The following PTPRD variants were observed in gnomAD, a reference collection of about 807,000 sequenced individuals.
The protein encoded by PTPRD is protein tyrosine phosphatase receptor type D, also known as receptor-type tyrosine-protein phosphatase delta.
Under a neutral mutation model 214.5 loss-of-function variants are expected in PTPRD, and 34 were observed. The observed-to-expected ratio is 0.16, with a 90% confidence interval of 0.12 to 0.21. The LOEUF is 0.21. Ranked by LOEUF, PTPRD falls within the 10% of genes least tolerant of loss-of-function variation. PTPRD has a pLI of 1.00. For synonymous variants in PTPRD, 1,128 were observed against 845.7 expected (o/e 1.33, Z -5.79); for missense variants, 2,545 against 2,398.7 (o/e 1.06, Z -1.27).
intron 11 of PTPRD, among the ~76,000 whole-genome samples, chr9:8,824,258 G>A (rs765718749): frequency 6.6e-6 from 1 of 152,186 alleles, no homozygotes; most frequent in Non-Finnish European, 1.5e-5. Context: ...AGATGGAGTT[G>A]CTGTGGTTAG....
At position 9,181,436 on chromosome 9, in the gene PTPRD, T is replaced by C. The variant is rs2099928143; in HGVS notation, c.-143+1868A>G. On this transcript the variant is annotated intron_variant, in intron 10 of 45. Coordinates refer to ENST00000381196, the MANE Select transcript of PTPRD (RefSeq NM_002839.4). ...TGCTGCCTGTTTCCATTTTCAAACCTGCCTGTGTGTGAGCAGACAGGTTCC... is the reference window on the plus strand; with the variant it reads ...TGCTGCCTGTTTCCATTTTCAAACCCGCCTGTGTGTGAGCAGACAGGTTCC... Among the ~76,000 whole-genome samples the C allele has an allele frequency of 3.3e-5, 5 of 152,002 alleles. No individual in the cohort carries two copies. The South Asian group carries it at 1.0e-3, about 32-fold the overall frequency.
chr9:10,533,922 T>C (rs2057112795), intron 2 of PTPRD, among the ~76,000 whole-genome samples: 1 of 151,692 alleles, frequency 6.6e-6, no homozygotes, highest in South Asian at 2.1e-4. Flanking sequence ...TTTTTTTTAA[T>C]TAAAATTGCT....
In PTPRD at chr9:8,416,327, C is replaced by G. The variant is rs572207764; in HGVS notation, c.4087-11667G>C. 5.9e-5 allele frequency among the ~76,000 whole-genome samples: 9 copies of G among 152,158 alleles called. No homozygotes were observed. In the South Asian group the frequency reaches 1.9e-3, roughly 32 times the overall value. On this transcript the variant is annotated intron_variant, in intron 35 of 45. Transcript: ENST00000381196. ...CATGAATACACACACATATAAAAACCTAGAATGTTATACACCAATGCTATC... is the reference window on the plus strand; with the variant it reads ...CATGAATACACACACATATAAAAACGTAGAATGTTATACACCAATGCTATC...
intron 35 of PTPRD, among the ~76,000 whole-genome samples, chr9:8,412,348 A>T (rs960497560): frequency 6.6e-6 from 1 of 152,246 alleles, no homozygotes; most frequent in Non-Finnish European, 1.5e-5. Flanking sequence ...ATTATCTAGC[A>T]AATACAATCA....
intron 11 of PTPRD, among the ~76,000 whole-genome samples, chr9:8,849,448 G>T (rs572359397): frequency 6.6e-6 from 1 of 152,030 alleles, no homozygotes; most frequent in Non-Finnish European, 1.5e-5. Flanking sequence ...GAATGGTCTC[G>T]ATCTCCTGAC....
At chr9:10,250,339 C>A (rs2092657063) in intron 3 of PTPRD, among the ~76,000 whole-genome samples, 1 of 152,024 alleles carries the variant, frequency 6.6e-6, no homozygotes, top group Admixed American at 6.6e-5. Context: ...AAATTAACCA[C>A]AATAATTTTA....
chr9:10,073,579 CA>C (rs1173564903), intron 3 of PTPRD, among the ~76,000 whole-genome samples: 5 of 151,964 alleles, frequency 3.3e-5, no homozygotes, highest in African/African-American at 1.2e-4. Context: ...CTAAAAATCC[CA>C]AAGCTGAAAG....
intron 7 of PTPRD, among the ~76,000 whole-genome samples, chr9:9,728,224 C>A (rs763692939): frequency 2.0e-5 from 3 of 152,148 alleles, no homozygotes; most frequent in Non-Finnish European, 4.4e-5. Flanking sequence ...TTATAAATTA[C>A]CCAGTCTCTG....
chr9:10,207,131 A>G (rs2099486946), intron 3 of PTPRD, among the ~76,000 whole-genome samples: 2 of 152,096 alleles, frequency 1.3e-5, no homozygotes, highest in African/African-American at 4.8e-5. Flanking sequence ...CCAGCATCCC[A>G]AACAGTTCTT....
intron 2 of PTPRD, among the ~76,000 whole-genome samples, chr9:10,391,345 TC>T (rs766281816): frequency 4.0e-5 from 6 of 151,722 alleles, no homozygotes; most frequent in African/African-American, 7.3e-5. Context: ...TTTGTCTTGA[TC>T]CATCATAGTC....
chr9:9,595,754 A>T (rs187209014), intron 7 of PTPRD, among the ~76,000 whole-genome samples: 1 of 152,018 alleles, frequency 6.6e-6, no homozygotes, highest in Non-Finnish European at 1.5e-5. Context: ...GATGATGCAA[A>T]GACATAAGAA....
At chr9:10,483,250 G>C (rs556303914) in intron 2 of PTPRD, among the ~76,000 whole-genome samples, 1 of 152,086 alleles carries the variant, frequency 6.6e-6, no homozygotes, top group African/African-American at 2.4e-5. Flanking sequence ...AATGAAACTG[G>C]ATCCTTATTT....
At chr9:9,568,894 G>T (rs1394609820) in intron 8 of PTPRD, among the ~76,000 whole-genome samples, 1 of 151,774 alleles carries the variant, frequency 6.6e-6, no homozygotes, top group Non-Finnish European at 1.5e-5. Flanking sequence ...TTAGCTGACT[G>T]TTTCCCAATA....
At chr9:9,877,973 CAA>C (rs758528718) in intron 5 of PTPRD, among the ~76,000 whole-genome samples, 165 of 70,642 alleles carry the variant, frequency 2.3e-3, no homozygotes, top group African/African-American at 7.7e-3. Flanking sequence ...AACTCCATCT[CAA>C]AAAAAAAAAA....
intron 3 of PTPRD, among the ~76,000 whole-genome samples, chr9:10,305,196 A>T (rs2154410662): frequency 6.6e-6 from 1 of 152,262 alleles, no homozygotes; most frequent in South Asian, 2.1e-4. Flanking sequence ...AAAACTGAAT[A>T]GGCATATGCA....
chr9:8,655,028 T>C (rs545399731), intron 12 of PTPRD, among the ~76,000 whole-genome samples: 28 of 152,282 alleles, frequency 1.8e-4, no homozygotes, highest in Admixed American at 7.8e-4. Flanking sequence ...TCAAGATTCC[T>C]AAACATAACT....
chr9:9,699,798 A>T (rs2097456593), intron 7 of PTPRD, among the ~76,000 whole-genome samples: 1 of 152,184 alleles, frequency 6.6e-6, no homozygotes, highest in Non-Finnish European at 1.5e-5. Context: ...ACAGGTGATA[A>T]CTATAAATCA....
intron 9 of PTPRD, among the ~76,000 whole-genome samples, chr9:9,371,544 T>G (rs1241011487): frequency 1.3e-5 from 2 of 152,204 alleles, no homozygotes; most frequent in Non-Finnish European, 2.9e-5. Context: ...TCAGTTTTGT[T>G]GATCTTTTCA....
At chr9:9,174,805 T>A (rs2099923615) in intron 10 of PTPRD, among the ~76,000 whole-genome samples, 1 of 152,186 alleles carries the variant, frequency 6.6e-6, no homozygotes, top group Non-Finnish European at 1.5e-5. Flanking sequence ...AACCATTTAA[T>A]GTGCTAATGA....
Sources: gnomAD v4.1 joint callset for allele counts (sites outside exome capture counted in the v4.1 genomes callset) on GRCh38, gnomAD v4.1.1 for gene constraint, MANE v1.5 for transcripts, NCBI Gene and HGNC (gene_info 2026-07-23, HGNC 2026-07-21) for gene names.